Variants in ZFPM2 observed in about 807,000 individuals in gnomAD.
The protein encoded by ZFPM2 is zinc finger protein, FOG family member 2.
In ZFPM2, 20 loss-of-function variants were observed where a neutral mutation model predicts 98.6. The ratio of observed to expected loss-of-function variants is 0.20; its 90% CI spans 0.14 to 0.29. The LOEUF is 0.29. Ranked by LOEUF, ZFPM2 falls within the 10% of genes least tolerant of loss-of-function variation. ZFPM2 has a pLI of 1.00. For missense variants in ZFPM2, 1,310 were observed against 1,388.6 expected (o/e 0.94, Z 0.90); for synonymous variants, 518 against 502.7 (o/e 1.03, Z -0.41).
At chr8:105,391,648 TTCTATC>T (rs1207865668) in intron 1 of ZFPM2, among the ~76,000 whole-genome samples, 1 of 152,242 alleles carries the variant, frequency 6.6e-6, no homozygotes, top group Non-Finnish European at 1.5e-5. Flanking sequence ...CAGAAGTAGA[TTCTATC>T]TCTAGCAACT....
At chr8:105,795,973 C>CAGAG (rs1219262102) in intron 6 of ZFPM2, 2 of 215,992 alleles carry the variant, frequency 9.3e-6, no homozygotes, top group East Asian at 2.7e-4. Context: ...AAGAGAAATC[C>CAGAG]AGAGACACAA....
intron 1 of ZFPM2, among the ~76,000 whole-genome samples, chr8:105,339,879 C>G (rs758518957): frequency 5.9e-5 from 9 of 151,828 alleles, no homozygotes; most frequent in Non-Finnish European, 1.0e-4. Flanking sequence ...CAAAATTGCC[C>G]TTTGGAACTT....
chr8:105,557,208 A>T (rs1180394572), intron 3 of ZFPM2, among the ~76,000 whole-genome samples: 1 of 152,080 alleles, frequency 6.6e-6, no homozygotes, highest in African/African-American at 2.4e-5. Flanking sequence ...GGTCTTTAGA[A>T]TTCTGTCCTA....
At chr8:105,332,328 A>C (rs911916233) in intron 1 of ZFPM2, among the ~76,000 whole-genome samples, 1 of 151,716 alleles carries the variant, frequency 6.6e-6, no homozygotes, top group Non-Finnish European at 1.5e-5. Context: ...TGTGTGACCT[A>C]GTCTTGTTCA....
chr8:105,716,976 T>C, intron 5 of ZFPM2, among the ~76,000 whole-genome samples: 1 of 152,064 alleles, frequency 6.6e-6, no homozygotes, highest in East Asian at 1.9e-4. Context: ...TCCCTTCATC[T>C]TACTGGCACA....
At position 105,534,050 on chromosome 8, in the gene ZFPM2, C is replaced by T. The variant is rs1360917913; in HGVS notation, c.302-27313C>T. 2.4e-4 allele frequency among the ~76,000 whole-genome samples: 9 copies of T among 37,288 alleles called. 1 individual carries two copies. The highest frequency in any genetic ancestry group is 3.0e-4 in the Non-Finnish European group (6 of 20,078). 24.5% of individuals were successfully genotyped at this position (37,288 alleles called of 152,430 possible). A position where few individuals can be genotyped will look rare whatever the true frequency, so the allele number is the denominator to read the frequency against. On this transcript the variant is annotated intron_variant, in intron 3 of 7. Transcript: ENST00000407775. ...TTCCTCCCTCCCTCCCTCCCTTCCTCCCTTCCTCCCTCCCTTCCTTCCTCC... is the reference window on the plus strand; with the variant it reads ...TTCCTCCCTCCCTCCCTCCCTTCCTTCCTTCCTCCCTCCCTTCCTTCCTCC...
At chr8:105,380,160 T>C (rs1188835256) in intron 1 of ZFPM2, among the ~76,000 whole-genome samples, 1 of 152,170 alleles carries the variant, frequency 6.6e-6, no homozygotes. Flanking sequence ...CGAAAGTCAA[T>C]AGTTATTTGT....
At chr8:105,671,802 T>A (rs1289104581) in intron 5 of ZFPM2, among the ~76,000 whole-genome samples, 4 of 152,180 alleles carry the variant, frequency 2.6e-5, no homozygotes, top group Non-Finnish European at 5.9e-5. Context: ...TTTACAGTGC[T>A]ATAGCAGTGG....
chr8:105,491,316 A>C (rs1813351774), intron 3 of ZFPM2, among the ~76,000 whole-genome samples: 1 of 152,264 alleles, frequency 6.6e-6, no homozygotes, highest in South Asian at 2.1e-4. Flanking sequence ...TAATAATAAT[A>C]AATGTTAATC....
At chr8:105,622,069 G>A (rs1441762862) in intron 4 of ZFPM2, among the ~76,000 whole-genome samples, 4 of 151,066 alleles carry the variant, frequency 2.6e-5, no homozygotes, top group Admixed American at 1.3e-4. Flanking sequence ...TTACTAATTG[G>A]AATTATTTTA....
At chr8:105,785,336 C>T (rs533773514) in intron 5 of ZFPM2, 10 of 139,304 alleles carry the variant, frequency 7.2e-5, no homozygotes, top group African/African-American at 3.0e-4. Context: ...CACACACACA[C>T]GCACACGCAC....
At chr8:105,700,875 G>C (rs536408503) in intron 5 of ZFPM2, among the ~76,000 whole-genome samples, 1 of 152,304 alleles carries the variant, frequency 6.6e-6, no homozygotes, top group South Asian at 2.1e-4. Context: ...ACAGGCGTGA[G>C]CCACTGCGCC....
At chr8:105,466,107 T>C (rs369184999) in intron 3 of ZFPM2, among the ~76,000 whole-genome samples, 8 of 152,030 alleles carry the variant, frequency 5.3e-5, no homozygotes, top group African/African-American at 1.9e-4. Flanking sequence ...TCGTGGCTTT[T>C]CTTAGGTAAA....
At chr8:105,769,117 G>C (rs1812925513) in intron 5 of ZFPM2, among the ~76,000 whole-genome samples, 1 of 151,996 alleles carries the variant, frequency 6.6e-6, no homozygotes, top group Non-Finnish European at 1.5e-5. Context: ...CTGTCTATCA[G>C]GATGTTCATG....
chr8:105,784,452 T>C (rs1475648111), intron 5 of ZFPM2, among the ~76,000 whole-genome samples: 1 of 146,058 alleles, frequency 6.8e-6, no homozygotes, highest in Non-Finnish European at 1.5e-5. Flanking sequence ...CTTTTCTTTC[T>C]GGTGAGATTT....
At position 105,802,204 on chromosome 8, in the gene ZFPM2, T is replaced by C; in HGVS notation, c.2122T>C (p.Tyr708His). Residue 708 changes from tyrosine (Y) to histidine (H), a missense_variant, in exon 8 of 8, where the codon TAT (tyrosine) becomes CAT (histidine). By Grantham distance (83) the Tyr-to-His change is moderately conservative. Coordinates refer to ENST00000407775, the MANE Select transcript of ZFPM2 (RefSeq NM_012082.4). ...RHETYMVHKQ[Y>H]YCATRHDPPL... Reference sequence around the variant, plus strand: ...CGAAACATACATGGTCCACAAACAGTATTACTGTGCTACACGCCACGACCC... The same window carrying C: ...CGAAACATACATGGTCCACAAACAGCATTACTGTGCTACACGCCACGACCC... The C allele has an allele frequency of 6.2e-7, 1 of 1,613,810 alleles. No individual in the cohort carries two copies. Among genetic ancestry groups the C allele is most frequent in the Non-Finnish European group, 8.5e-7 (1 of 1,179,858 alleles).
intron 5 of ZFPM2, among the ~76,000 whole-genome samples, chr8:105,679,637 AC>A (rs1810555128): frequency 6.6e-6 from 1 of 152,002 alleles, no homozygotes; most frequent in Non-Finnish European, 1.5e-5. Context: ...CTCAAAAAAA[AC>A]AAAACAAAAT....
chr8:105,533,636 C>G (rs527589367), intron 3 of ZFPM2, among the ~76,000 whole-genome samples: 36 of 151,580 alleles, frequency 2.4e-4, no homozygotes, highest in African/African-American at 8.0e-4. Context: ...TCCTTAGGCC[C>G]TTTCCCTCCC....
At chr8:105,322,936 G>A (rs1563603319) in intron 1 of ZFPM2, among the ~76,000 whole-genome samples, 1 of 151,720 alleles carries the variant, frequency 6.6e-6, no homozygotes, top group South Asian at 2.1e-4. Context: ...AATGTTCTAT[G>A]CTATTTTTAT....
Sources: allele counts gnomAD v4.1 joint callset (sites outside exome capture counted in the v4.1 genomes callset), GRCh38; gene constraint gnomAD v4.1.1; transcripts MANE v1.5; gene names NCBI Gene and HGNC (gene_info 2026-07-23, HGNC 2026-07-21).